SOX6: variants seen among roughly 807,000 people sequenced by gnomAD.
The protein encoded by SOX6 is transcription factor SOX-6.
SOX6 carries 11 observed loss-of-function variants against 97.8 expected under a neutral mutation model. The observed-to-expected ratio is 0.11, with a 90% CI of 0.07 to 0.19. SOX6 has a LOEUF of 0.19. Ranked by LOEUF, SOX6 falls within the 10% of genes least tolerant of loss-of-function variation. The probability of loss-of-function intolerance (pLI) is 1.00; values close to 1 mark genes in which losing one functional copy is unlikely to be tolerated. For synonymous variants in SOX6, 360 were observed against 371.4 expected, an observed-to-expected ratio of 0.97 and a Z score of 0.35; for missense variants, 810 against 1,039.5, an observed-to-expected ratio of 0.78 and a Z score of 3.04.
chr11:16,276,317 C>T lies in SOX6; in HGVS notation c.446-41646G>A, dbSNP rs188137926. Among the ~76,000 whole-genome samples the T allele has an allele frequency of 2.0e-4, 31 of 152,250 alleles. 1 individual carries two copies. Among genetic ancestry groups the T allele is most frequent in the South Asian group, 4.1e-4 (2 of 4,820 alleles). On this transcript the variant is annotated intron_variant, in intron 3 of 15. Transcript: ENST00000683767. ...CTAAAGACCTTGGCTATAAGTGTAGCCCTGTAAGAGACTAGGTTGGCAATG... is the reference window on the plus strand; with the variant it reads ...CTAAAGACCTTGGCTATAAGTGTAGTCCTGTAAGAGACTAGGTTGGCAATG...
intron 15 of SOX6, among the ~76,000 whole-genome samples, chr11:15,973,668 T>C (rs1853382109): frequency 6.6e-6 from 1 of 152,178 alleles, no homozygotes; most frequent in African/African-American, 2.4e-5. Flanking sequence ...GCTGAACTTG[T>C]TAGGAATAAT....
At chr11:16,389,969 T>TTAAAAAAAAAAAAAAAAA (rs1858116588) in intron 1 of SOX6, among the ~76,000 whole-genome samples, 1 of 41,856 alleles carries the variant, frequency 2.4e-5, no homozygotes, top group Non-Finnish European at 4.1e-5. Context: ...GACTCCGTCT[T>TTAAAAAAAAAAAAAAAAA]AAAAAAAAAA....
chr11:16,714,132 T>C (rs1848200566), intron 3 of SOX6, among the ~76,000 whole-genome samples: 1 of 152,182 alleles, frequency 6.6e-6, no homozygotes, highest in African/African-American at 2.4e-5. Flanking sequence ...TATTTGACTT[T>C]TAGCATTGCA....
At chr11:16,118,760 T>A (rs1209765859) in intron 6 of SOX6, among the ~76,000 whole-genome samples, 1 of 152,176 alleles carries the variant, frequency 6.6e-6, no homozygotes, top group Non-Finnish European at 1.5e-5. Context: ...ATTATTTAAC[T>A]TTTTTTAGTA....
At chr11:16,178,874 G>GTCCTCGGTTTT (rs1851269365) in intron 6 of SOX6, among the ~76,000 whole-genome samples, 1 of 151,866 alleles carries the variant, frequency 6.6e-6, no homozygotes, top group African/African-American at 2.4e-5. Context: ...GCTTCTGACT[G>GTCCTCGGTTTT]TCCTCGGTTT....
intron 9 of SOX6, among the ~76,000 whole-genome samples, chr11:16,076,769 C>A (rs747803121): frequency 1.1e-4 from 11 of 97,108 alleles, no homozygotes; most frequent in African/African-American, 4.9e-4. Context: ...TTTTTTGAGA[C>A]GGAGTCTCTC....
intron 4 of SOX6, among the ~76,000 whole-genome samples, chr11:16,538,483 C>T (rs997743878): frequency 2.6e-5 from 4 of 152,090 alleles, no homozygotes; most frequent in Non-Finnish European, 5.9e-5. Context: ...CAATATTAAC[C>T]TTAAATGTAA....
chr11:16,593,482 C>A (rs949547563), intron 4 of SOX6, among the ~76,000 whole-genome samples: 1 of 150,214 alleles, frequency 6.7e-6, no homozygotes, highest in Non-Finnish European at 1.5e-5. Flanking sequence ...CTTATATAAA[C>A]GATGGGAAGA....
intron 1 of SOX6, among the ~76,000 whole-genome samples, chr11:16,399,348 T>G (rs1426793244): frequency 6.7e-6 from 1 of 149,454 alleles, no homozygotes; most frequent in Non-Finnish European, 1.5e-5. Flanking sequence ...TTATATTATT[T>G]TTATTTTATT....
chr11:16,318,541 A>T lies in SOX6; in HGVS notation c.350T>A (p.Phe117Tyr). Reference sequence around the variant, plus strand: ...CCCTTTGCGGCGCTCTGGGGTTCCAAAAGTAACACTGGTCATTATCTCACG... The same window carrying T: ...CCCTTTGCGGCGCTCTGGGGTTCCATAAGTAACACTGGTCATTATCTCACG... ...RDREIMTSVT[F>Y]GTPERRKGSL... is the part of the protein sequence containing the mutation. Residue 117 changes from phenylalanine (F) to tyrosine (Y), a missense_variant, in exon 3 of 16, where the codon TTT becomes TAT. By Grantham distance (22) the Phe-to-Tyr change is conservative. Transcript: ENST00000683767. The T allele has an allele frequency of 6.2e-7, 1 of 1,613,724 alleles. No individual in the cohort carries two copies.
At chr11:16,074,487 T>C (rs572734768) in intron 9 of SOX6, among the ~76,000 whole-genome samples, 1 of 152,266 alleles carries the variant, frequency 6.6e-6, no homozygotes, top group African/African-American at 2.4e-5. Context: ...GATTTACAGA[T>C]GGATTCACAG....
intron 6 of SOX6, among the ~76,000 whole-genome samples, chr11:16,138,442 T>C (rs895148747): frequency 6.6e-6 from 1 of 152,186 alleles, no homozygotes; most frequent in African/African-American, 2.4e-5. Flanking sequence ...TCCAGAATCA[T>C]GTGTCATCAT....
chr11:16,501,395 C>T (rs1361761307), intron 4 of SOX6, among the ~76,000 whole-genome samples: 1 of 152,182 alleles, frequency 6.6e-6, no homozygotes, highest in African/African-American at 2.4e-5. Context: ...AGGACATAGG[C>T]ATGGGCAAGA....
chr11:16,410,779 A>AG lies in SOX6; in HGVS notation c.-5+65535dup, dbSNP rs398015412. ...GTCTCCAAAAAAAAAAAAAAAAAAA[A>AG]GATATGAACAAGTATGAACAAGGAC... On this transcript the variant is annotated intron_variant, in intron 1 of 15. Coordinates refer to the SOX6 transcript ENST00000396356. Among the ~76,000 whole-genome samples, 793 of 150,154 alleles carry AG rather than the reference A, an allele frequency of 5.3e-3. 12 individuals carry two copies. Among genetic ancestry groups the AG allele is most frequent in the African/African-American group, 0.018 (754 of 40,774 alleles).
intron 4 of SOX6, among the ~76,000 whole-genome samples, chr11:16,579,871 A>C (rs2133966336): frequency 6.6e-6 from 1 of 152,260 alleles, no homozygotes; most frequent in East Asian, 1.9e-4. Context: ...ACTGCCAGAT[A>C]GTTTTCAAAA....
intron 1 of SOX6, among the ~76,000 whole-genome samples, chr11:16,372,149 T>A (rs1857508404): frequency 6.6e-6 from 1 of 152,048 alleles, no homozygotes; most frequent in Non-Finnish European, 1.5e-5. Flanking sequence ...CAATAAATAA[T>A]TAGTTTATTG....
intron 1 of SOX6, among the ~76,000 whole-genome samples, chr11:16,468,266 T>TA (rs1565155388): frequency 1.3e-5 from 2 of 151,988 alleles, no homozygotes; most frequent in African/African-American, 2.4e-5. Context: ...AACAGCATCT[T>TA]AAAAAAAAGA....
At chr11:16,734,753 A>G (rs1848379186) in intron 2 of SOX6, among the ~76,000 whole-genome samples, 1 of 152,196 alleles carries the variant, frequency 6.6e-6, no homozygotes, top group African/African-American at 2.4e-5. Flanking sequence ...AAAACAACAA[A>G]TATCTATTGA....
chr11:16,064,044 T>C (rs1174743630), intron 9 of SOX6, among the ~76,000 whole-genome samples: 1 of 151,692 alleles, frequency 6.6e-6, no homozygotes, highest in African/African-American at 2.4e-5. Context: ...CTCTCTAAAA[T>C]GGCATTTCAC....
Sources: allele counts gnomAD v4.1 joint callset (sites outside exome capture counted in the v4.1 genomes callset), GRCh38; gene constraint gnomAD v4.1.1; transcripts MANE v1.5; gene names NCBI Gene and HGNC (gene_info 2026-07-23, HGNC 2026-07-21).